NCALD: variants seen among roughly 807,000 people sequenced by gnomAD.
The protein encoded by NCALD is neurocalcin-delta.
NCALD carries 10 observed loss-of-function variants against 18.6 expected under a neutral mutation model. The ratio of observed to expected loss-of-function variants is 0.54; its 90% confidence interval spans 0.33 to 0.91. NCALD has a LOEUF of 0.91. Ranked by LOEUF, NCALD falls within the 40% of genes least tolerant of loss-of-function variation. The pLI, the probability that NCALD is intolerant of heterozygous loss-of-function variation, is 0.03. For synonymous variants in NCALD, 88 were observed against 87.4 expected, an observed-to-expected ratio of 1.01 and a Z score of -0.04; for missense variants, 184 against 247.6, an observed-to-expected ratio of 0.74 and a Z score of 1.72.
At chr8:101,929,702 A>C (rs1263459123) in intron 2 of NCALD, among the ~76,000 whole-genome samples, 1 of 123,766 alleles carries the variant, frequency 8.1e-6, no homozygotes, top group Non-Finnish European at 1.7e-5. Flanking sequence ...GCAGGGAGGG[A>C]GGGGGATGAG....
chr8:102,023,064 T>G (rs867940079), intron 1 of NCALD, among the ~76,000 whole-genome samples: 1 of 152,190 alleles, frequency 6.6e-6, no homozygotes, highest in Non-Finnish European at 1.5e-5. Context: ...GGTATGAGAT[T>G]TGTCATTTCA....
intron 3 of NCALD, among the ~76,000 whole-genome samples, chr8:101,893,407 T>A (rs1198849189): frequency 1.3e-5 from 2 of 150,052 alleles, no homozygotes; most frequent in Non-Finnish European, 3.0e-5. Flanking sequence ...CACTGCAAAA[T>A]CATGCCAAAA....
intron 2 of NCALD, among the ~76,000 whole-genome samples, chr8:101,996,100 C>T (rs1821230554): frequency 6.6e-6 from 1 of 152,202 alleles, no homozygotes; most frequent in Non-Finnish European, 1.5e-5. Context: ...AAGGGCTTGG[C>T]ATGGTGCCTG....
At chr8:102,055,410 T>C (rs17414701) in intron 1 of NCALD, among the ~76,000 whole-genome samples, 7,271 of 152,238 alleles carry the variant, frequency 0.048, 239 homozygotes, top group South Asian at 0.13. Flanking sequence ...GTTCACGACA[T>C]AAAGAGAAGA....
At chr8:102,019,471 C>T (rs75882148) in intron 2 of NCALD, among the ~76,000 whole-genome samples, 591 of 152,178 alleles carry the variant, frequency 3.9e-3, no homozygotes, top group Non-Finnish European at 6.3e-3. Context: ...CATAACAAAA[C>T]TGACTCAAGA....
intron 3 of NCALD, chr8:101,690,574 TC>T (rs1814682281): frequency 1.0e-6 from 1 of 984,994 alleles, no homozygotes. Flanking sequence ...GGAGGGGGCC[TC>T]CCCCAACAGA....
chr8:101,872,020 T>C (rs1382429575), intron 4 of NCALD: 3 of 1,061,906 alleles, frequency 2.8e-6, no homozygotes, highest in South Asian at 1.3e-5. Flanking sequence ...ACCGATCAAC[T>C]GAGCCTTGAT....
chr8:102,003,287 G>C (rs1586906140), intron 2 of NCALD, among the ~76,000 whole-genome samples: 1 of 152,174 alleles, frequency 6.6e-6, no homozygotes, highest in Admixed American at 6.5e-5. Flanking sequence ...TGGAAGAAAT[G>C]GATAAATTCC....
chr8:102,034,047 C>T (rs960604920), intron 1 of NCALD, among the ~76,000 whole-genome samples: 7 of 151,210 alleles, frequency 4.6e-5, no homozygotes, highest in Non-Finnish European at 7.4e-5. Context: ...CACACACACA[C>T]GCAGCTTTGT....
chr8:101,930,299 G>A (rs1045131374), intron 2 of NCALD, among the ~76,000 whole-genome samples: 22 of 152,122 alleles, frequency 1.4e-4, no homozygotes, highest in African/African-American at 5.1e-4. Context: ...CCCCAATTCA[G>A]CTTCCCTTTA....
chr8:101,689,246 G>A lies in NCALD; in HGVS notation c.*63C>T, dbSNP rs116741399. The stretch of plus-strand genomic sequence containing the variant: ...TGTTTGGCAAAAAAAAAAAAAAATT[G>A]TTAAAAAGAAGAATCAAAAGGGAAC... On this transcript the variant is annotated 3_prime_UTR_variant, in exon 4 of 4. Transcript: ENST00000220931. The surrounding 1 kb of genome is among the most constrained non-coding windows in gnomAD (Gnocchi z 4.4). 2.7e-3 allele frequency: 3,770 copies of A among 1,418,798 alleles called. 98 individuals carry two copies. The African/African-American group carries it at 0.049, about 18-fold the overall frequency. The allele number at this position is 1,418,798 out of a possible 1,614,324, so 87.9% of individuals were successfully genotyped here. A position where few individuals can be genotyped will look rare whatever the true frequency, so the allele number is the denominator to read the frequency against.
At position 101,713,073 on chromosome 8, in the gene NCALD, C is replaced by T. The variant is rs141718160; in HGVS notation, c.378+6179G>A. On this transcript the variant is annotated intron_variant, in intron 2 of 3. Coordinates refer to ENST00000220931, the MANE Select transcript of NCALD (RefSeq NM_032041.3). ...AAAAAAGAATGGAAATCATAACAAA[C>T]AGTCTCTCAGACCATAATGCAATCA... Among the ~76,000 whole-genome samples the T allele has an allele frequency of 6.6e-3, 998 of 152,008 alleles. 12 individuals are homozygous for T. The highest frequency in any genetic ancestry group is 0.022 in the African/African-American group (901 of 41,296).
At chr8:102,033,486 T>G (rs1822754588) in intron 1 of NCALD, among the ~76,000 whole-genome samples, 1 of 152,176 alleles carries the variant, frequency 6.6e-6, no homozygotes, top group African/African-American at 2.4e-5. Context: ...AAAATTTTGC[T>G]ACCTGTGCCT....
At chr8:101,986,219 T>C (rs2131961838) in intron 2 of NCALD, among the ~76,000 whole-genome samples, 1 of 152,164 alleles carries the variant, frequency 6.6e-6, no homozygotes, top group South Asian at 2.1e-4. Flanking sequence ...TTAGTAGAGA[T>C]GGGGTTTCAC....
chr8:102,121,498 C>A (rs1469407942), intron 1 of NCALD, among the ~76,000 whole-genome samples: 1 of 152,112 alleles, frequency 6.6e-6, no homozygotes, highest in Non-Finnish European at 1.5e-5. Flanking sequence ...CATACCAATA[C>A]CAGGCAATCT....
intron 4 of NCALD, among the ~76,000 whole-genome samples, chr8:101,835,960 T>C (rs1814395262): frequency 6.6e-6 from 1 of 152,072 alleles, no homozygotes; most frequent in Admixed American, 6.6e-5. Flanking sequence ...AAGATCTCCC[T>C]GTGCTCATAA....
rs181109935 is a variant in NCALD at position 101,839,173 on chromosome 8, T to C, written c.-20+47968A>G. ...AGTCTGCACTGAGGAAAGCTGTATG[T>C]TGAACCACTGGAATTCCACACCCGA... On this transcript the variant is annotated intron_variant, in intron 4 of 6. Transcript: ENST00000311028. 1.8e-3 allele frequency among the ~76,000 whole-genome samples: 277 copies of C among 152,282 alleles called. 1 individual carries two copies. The highest frequency in any genetic ancestry group is 0.015 in the Admixed American group (232 of 15,298).
In NCALD at chr8:102,044,869, C is replaced by T. The variant is rs373815443; in HGVS notation, c.-209-24580G>A. Among the ~76,000 whole-genome samples, 33 of 152,176 alleles carry T rather than the reference C, an allele frequency of 2.2e-4. 1 individual carries two copies. In the East Asian group the frequency reaches 5.8e-3, roughly 27 times the overall value. On this transcript the variant is annotated intron_variant, in intron 1 of 6. Transcript: ENST00000311028. The stretch of plus-strand genomic sequence containing the variant: ...TCCTCTCCAGGCTTCAGTTTGGACA[C>T]CAGTAGAACAGGGATGCTAGCAGGA...
At position 101,999,167 on chromosome 8, in the gene NCALD, CT is replaced by C. The variant is rs550190527; in HGVS notation, c.-157+21069del. 2.6e-3 allele frequency among the ~76,000 whole-genome samples: 390 copies of C among 150,176 alleles called. 1 individual carries two copies. The highest frequency in any genetic ancestry group is 1.9e-3 in the Non-Finnish European group (128 of 67,714). ...CATGGATGCTTGAATAATATGAGCTCTTTAGAAGTCGTTACATGAAAAAGAT... is the reference window on the plus strand; with the variant it reads ...CATGGATGCTTGAATAATATGAGCTCTTAGAAGTCGTTACATGAAAAAGAT... On this transcript the variant is annotated intron_variant, in intron 2 of 6. Transcript: ENST00000311028.
Sources: allele counts gnomAD v4.1 joint callset (sites outside exome capture counted in the v4.1 genomes callset), GRCh38; gene constraint gnomAD v4.1.1; non-coding constraint Gnocchi (gnomAD v3.1); transcripts MANE v1.5; gene names NCBI Gene and HGNC (gene_info 2026-07-23, HGNC 2026-07-21).